XYLT1: variants seen among roughly 807,000 people sequenced by gnomAD.
XYLT1 encodes the protein beta-D-xylosyltransferase 1.
Under a neutral mutation model 91.3 loss-of-function variants are expected in XYLT1, and 36 were observed. That is an observed-to-expected ratio of 0.39 (90% CI 0.30 to 0.52). XYLT1 has a LOEUF of 0.52. Among genes scored for constraint, XYLT1 ranks in the 20% least tolerant of loss-of-function variants. The pLI is 0.68. For synonymous variants in XYLT1, 588 were observed against 532.0 expected (o/e 1.11, Z -1.45); for missense variants, 1,242 against 1,284.5 (o/e 0.97, Z 0.51).
intron 2 of XYLT1, among the ~76,000 whole-genome samples, chr16:17,329,506 T>C (rs1403900082): frequency 6.6e-6 from 1 of 152,240 alleles, no homozygotes; most frequent in Admixed American, 6.5e-5. Context: ...ATGGTTCTTT[T>C]CAGTCAAAAA....
At chr16:17,169,906 T>C (rs1371481027) in intron 5 of XYLT1, among the ~76,000 whole-genome samples, 4 of 152,234 alleles carry the variant, frequency 2.6e-5, no homozygotes, top group Admixed American at 1.3e-4. Flanking sequence ...AGATTGAATC[T>C]TAAAAGTAAA....
chr16:17,278,907 C>T (rs2034017301), intron 2 of XYLT1, among the ~76,000 whole-genome samples: 1 of 152,150 alleles, frequency 6.6e-6, no homozygotes. Context: ...TGCAAGTGTC[C>T]AAACTTAGAA....
chr16:17,277,132 T>C (rs2033989074), intron 2 of XYLT1, among the ~76,000 whole-genome samples: 1 of 152,204 alleles, frequency 6.6e-6, no homozygotes, highest in South Asian at 2.1e-4. Flanking sequence ...CAGACAACCA[T>C]CCTACCAACA....
At chr16:17,212,177 C>G (rs1209082700) in intron 3 of XYLT1, among the ~76,000 whole-genome samples, 3 of 152,212 alleles carry the variant, frequency 2.0e-5, no homozygotes, top group Non-Finnish European at 4.4e-5. Flanking sequence ...ATCAGAAACT[C>G]TGGGTGTGGG....
chr16:17,143,139 G>A (rs2031030432), intron 6 of XYLT1, among the ~76,000 whole-genome samples: 1 of 152,192 alleles, frequency 6.6e-6, no homozygotes, highest in African/African-American at 2.4e-5. Flanking sequence ...CATGTTGGGA[G>A]GGTGGACAGA....
chr16:17,465,668 C>G, intron 1 of XYLT1, among the ~76,000 whole-genome samples: 1 of 152,044 alleles, frequency 6.6e-6, no homozygotes, highest in South Asian at 2.1e-4. Flanking sequence ...CTACCACATT[C>G]CGTCCTGCTC....
chr16:17,146,662 C>T (rs1313245327), intron 6 of XYLT1, among the ~76,000 whole-genome samples: 1 of 152,190 alleles, frequency 6.6e-6, no homozygotes, highest in Non-Finnish European at 1.5e-5. Flanking sequence ...GAATCCAGCC[C>T]ATAAGCCATC....
chr16:17,335,246 A>AAC (rs2034962803), intron 2 of XYLT1, among the ~76,000 whole-genome samples: 1 of 150,892 alleles, frequency 6.6e-6, no homozygotes, highest in South Asian at 2.1e-4. Context: ...ATAACAAACA[A>AAC]AAAAAAAACT....
At chr16:17,386,792 T>C (rs931686208) in intron 1 of XYLT1, among the ~76,000 whole-genome samples, 1 of 152,234 alleles carries the variant, frequency 6.6e-6, no homozygotes, top group African/African-American at 2.4e-5. Flanking sequence ...TGACATGCAT[T>C]ACCTCATCTA....
chr16:17,138,337 A>ACCATGAGAAAGTCT lies in XYLT1; in HGVS notation c.1764+4_1764+17dup. ...AAGGCATCACTTAGGAGGCTGGCAG[A>ACCATGAGAAAGTCT]CCATGAGAAAGTCTCACCTGGAAGC... On this transcript the variant is annotated intron_variant, in intron 8 of 11. Coordinates refer to ENST00000261381, the MANE Select transcript of XYLT1 (RefSeq NM_022166.4). 1 of 1,602,886 alleles carries ACCATGAGAAAGTCT rather than the reference A, an allele frequency of 6.2e-7. No individual in the cohort carries two copies. Among genetic ancestry groups the ACCATGAGAAAGTCT allele is most frequent in the South Asian group, 1.1e-5 (1 of 90,892 alleles).
At chr16:17,368,716 C>T (rs150879507) in intron 1 of XYLT1, among the ~76,000 whole-genome samples, 1 of 152,038 alleles carries the variant, frequency 6.6e-6, no homozygotes, top group African/African-American at 2.4e-5. Flanking sequence ...TCCCAAGTAG[C>T]TGGGACTACA....
chr16:17,447,551 T>A (rs2036608350), intron 1 of XYLT1, among the ~76,000 whole-genome samples: 1 of 152,246 alleles, frequency 6.6e-6, no homozygotes, highest in South Asian at 2.1e-4. Context: ...CAAAGACATT[T>A]GGAACTTGGC....
chr16:17,252,270 T>C (rs901519815), intron 3 of XYLT1, among the ~76,000 whole-genome samples: 17 of 152,206 alleles, frequency 1.1e-4, no homozygotes, highest in Non-Finnish European at 2.2e-4. Context: ...TCCATTTTAC[T>C]GTGCAGACTG....
In XYLT1 at chr16:17,108,208, GTACCGTAGGAGA is replaced by G. The variant is rs1966804061; in HGVS notation, c.*475_*486del. 6.5e-6 allele frequency: 1 copy of G among 153,798 alleles called. No homozygotes were observed. The highest frequency in any genetic ancestry group is 6.5e-5 in the Admixed American group (1 of 15,336). The allele number at this position is 153,798 out of a possible 1,614,324, so 9.5% of individuals were successfully genotyped here. ...TGCAGAGCCCTTGGGTTCTGAAGAG[GTACCGTAGGAGA>G]TACCCTGGGCAAGGGGACCGCCCAG... On this transcript the variant is annotated 3_prime_UTR_variant, in exon 12 of 12. Coordinates refer to ENST00000261381, the MANE Select transcript of XYLT1 (RefSeq NM_022166.4).
chr16:17,262,417 G>A (rs756887687), intron 2 of XYLT1, among the ~76,000 whole-genome samples: 15 of 152,126 alleles, frequency 9.9e-5, no homozygotes, highest in African/African-American at 3.6e-4. Context: ...ATTGTATCAC[G>A]CCTCTTGTGT....
In XYLT1 at chr16:17,169,822, A is replaced by G. The variant is rs550042438; in HGVS notation, c.1290-10913T>C. On this transcript the variant is annotated intron_variant, in intron 5 of 11. Transcript: ENST00000261381. ...TTAACCAAATTCTGCATTCCCATAC[A>G]ATGATTGATTACAGCCAGTTATTTG... 1.8e-4 allele frequency among the ~76,000 whole-genome samples: 28 copies of G among 152,316 alleles called. No homozygotes were observed. The South Asian group carries it at 5.4e-3, about 29-fold the overall frequency.
At chr16:17,137,122 C>T (rs1392390074) in intron 8 of XYLT1, among the ~76,000 whole-genome samples, 2 of 152,072 alleles carry the variant, frequency 1.3e-5, no homozygotes, top group East Asian at 3.9e-4. Flanking sequence ...GTGTGGGAAC[C>T]TTAAGGGGAA....
At chr16:17,186,251 G>A (rs573339194) in intron 5 of XYLT1, among the ~76,000 whole-genome samples, 3 of 152,118 alleles carry the variant, frequency 2.0e-5, no homozygotes, top group Admixed American at 6.5e-5. Flanking sequence ...TTACAGGCAT[G>A]TGCCACCATA....
chr16:17,367,126 AC>A (rs1596505998), intron 1 of XYLT1, among the ~76,000 whole-genome samples: 1 of 152,172 alleles, frequency 6.6e-6, no homozygotes, highest in East Asian at 1.9e-4. Flanking sequence ...GAGATGTTCT[AC>A]CAGAGCCCGG....
Sources: allele counts gnomAD v4.1 joint callset (sites outside exome capture counted in the v4.1 genomes callset), GRCh38; gene constraint gnomAD v4.1.1; transcripts MANE v1.5; gene names NCBI Gene and HGNC (gene_info 2026-07-23, HGNC 2026-07-21).